PCDHGB2: variants seen among roughly 807,000 people sequenced by gnomAD.
PCDHGB2 encodes the protein protocadherin gamma subfamily B, 2.
A neutral mutation model predicts 59.3 loss-of-function variants in PCDHGB2; 55 were observed. The observed-to-expected ratio is 0.93, with a 90% CI of 0.75 to 1.16. The LOEUF is 1.16. Ranked by LOEUF, PCDHGB2 falls within the 50% of genes most tolerant of loss-of-function variation. The probability of loss-of-function intolerance (pLI) is 0.00; values close to 1 mark genes in which losing one functional copy is unlikely to be tolerated. For synonymous variants in PCDHGB2, 516 were observed against 512.0 expected (o/e 1.01, Z -0.11); for missense variants, 1,228 against 1,198.5 (o/e 1.02, Z -0.36).
At position 141,491,303 on chromosome 5, in the gene PCDHGB2, C is replaced by T; in HGVS notation, c.2422-3504C>T. On this transcript the variant is annotated intron_variant, in intron 1 of 3. Coordinates refer to ENST00000522605, the MANE Select transcript of PCDHGB2 (RefSeq NM_018923.3). This position sits in a 1 kb window ranked among gnomAD's most constrained non-coding sequence, Gnocchi z 6.9. ...TTCCTCATACACCCTCCTGAGCGTT[C>T]AGACCTTACCCTTTACCTCATTGTG... 6.2e-7 allele frequency: 1 copy of T among 1,614,132 alleles called. No homozygotes were observed. The highest frequency in any genetic ancestry group is 8.5e-7 in the Non-Finnish European group (1 of 1,179,962).
intron 1 of PCDHGB2, among the ~76,000 whole-genome samples, chr5:141,492,435 C>T (rs191116850): frequency 8.5e-5 from 13 of 152,348 alleles, no homozygotes; most frequent in Admixed American, 8.5e-4. Context: ...CTCAGGAGTA[C>T]TCGTAGCTGA....
intron 1 of PCDHGB2, among the ~76,000 whole-genome samples, chr5:141,447,652 C>T (rs901761789): frequency 6.6e-6 from 1 of 151,972 alleles, no homozygotes; most frequent in African/African-American, 2.4e-5. Context: ...TAGAATTTTC[C>T]CCCCCAGGAA....
chr5:141,495,878 T>C (rs2099764378), intron 2 of PCDHGB2, among the ~76,000 whole-genome samples: 1 of 152,184 alleles, frequency 6.6e-6, no homozygotes, highest in African/African-American at 2.4e-5. Context: ...TTCCTCTCTG[T>C]TCTTTGTCTC....
intron 3 of PCDHGB2, chr5:141,507,274 C>T (rs1000866082): frequency 1.3e-5 from 2 of 151,532 alleles, no homozygotes; most frequent in Non-Finnish European, 2.9e-5. Context: ...ACTATTTCAG[C>T]ATAAGTCAGT....
At chr5:141,464,923 A>G (rs544281066) in intron 1 of PCDHGB2, among the ~76,000 whole-genome samples, 3 of 151,406 alleles carry the variant, frequency 2.0e-5, no homozygotes, top group Non-Finnish European at 4.4e-5. Flanking sequence ...ATTTTTTTGT[A>G]GAGATGTGAG....
chr5:141,386,359 C>T (rs566341507), intron 1 of PCDHGB2, among the ~76,000 whole-genome samples: 1 of 152,132 alleles, frequency 6.6e-6, no homozygotes, highest in Non-Finnish European at 1.5e-5. Flanking sequence ...AATCTTGATT[C>T]CAGAGACCTT....
At chr5:141,385,603 T>G (rs968822799) in intron 1 of PCDHGB2, 19 of 1,190,040 alleles carry the variant, frequency 1.6e-5, no homozygotes, top group Non-Finnish European at 2.0e-5. Flanking sequence ...CTTTCTTAAC[T>G]CATATATTTT....
At chr5:141,481,656 A>G (rs1425280340) in intron 1 of PCDHGB2, among the ~76,000 whole-genome samples, 1 of 152,084 alleles carries the variant, frequency 6.6e-6, no homozygotes, top group Non-Finnish European at 1.5e-5. Context: ...CATCTCTACT[A>G]ATAATACAAA....
chr5:141,423,121 G>T lies in PCDHGB2; in HGVS notation c.2421+60565G>T, dbSNP rs368205535. The T allele has an allele frequency of 5.6e-6, 9 of 1,613,680 alleles. No homozygotes were observed. The African/African-American group carries it at 1.1e-4, about 19-fold the overall frequency. ...CACGGGCGAGGTGCGTACAGCGCGG[G>T]CACTGCTGGACAGAGACGCGCTCAA... On this transcript the variant is annotated intron_variant, in intron 1 of 3. Coordinates refer to ENST00000522605, the MANE Select transcript of PCDHGB2 (RefSeq NM_018923.3).
intron 1 of PCDHGB2, chr5:141,399,834 G>C (rs375768001): frequency 2.4e-5 from 39 of 1,613,004 alleles, no homozygotes; most frequent in Non-Finnish European, 2.9e-5. Flanking sequence ...ACGGCTCTGC[G>C]CTCTTCGATA....
chr5:141,375,943 C>T lies in PCDHGB2; in HGVS notation c.2421+13387C>T, dbSNP rs111303338. 3.8e-3 allele frequency: 6,199 copies of T among 1,613,582 alleles called. 67 individuals are homozygous for T. Among genetic ancestry groups the T allele is most frequent in the African/African-American group, 0.036 (2,673 of 75,052 alleles). ...GCGAGCCAGGACTTTTCTCAGTGGG[C>T]CTGCACACGGGCGAGGTGCGCACGG... On this transcript the variant is annotated intron_variant, in intron 1 of 3. Coordinates refer to ENST00000522605, the MANE Select transcript of PCDHGB2 (RefSeq NM_018923.3).
At chr5:141,374,495 T>C in intron 1 of PCDHGB2, 2 of 1,611,502 alleles carry the variant, frequency 1.2e-6, no homozygotes, top group Non-Finnish European at 8.5e-7. Context: ...AAAGGAAGAA[T>C]TGGAAGTGAA....
At chr5:141,427,519 G>A (rs1428732557) in intron 1 of PCDHGB2, 1 of 602,000 alleles carries the variant, frequency 1.7e-6, no homozygotes, top group Non-Finnish European at 3.1e-6. Context: ...GATTGGGAGC[G>A]GATCCCGGAG....
Position 141,419,293 on chromosome 5 carries a change from C to A in PCDHGB2, c.2421+56737C>A, listed in dbSNP as rs748856660. 1.5e-5 allele frequency: 25 copies of A among 1,614,026 alleles called. No individual in the cohort carries two copies. The African/African-American group carries it at 3.2e-4, about 21-fold the overall frequency. Reference sequence around the variant, plus strand: ...CCATAGCGCAAGTCAGTGCCTCTGACCCAGACTTCGGGCTCAACGGCCGTG... The same window carrying A: ...CCATAGCGCAAGTCAGTGCCTCTGAACCAGACTTCGGGCTCAACGGCCGTG... On this transcript the variant is annotated intron_variant, in intron 1 of 3. Transcript: ENST00000522605.
intron 1 of PCDHGB2, chr5:141,427,502 G>A (rs1276688816): frequency 1.7e-6 from 1 of 576,718 alleles, no homozygotes; most frequent in East Asian, 4.0e-5. Flanking sequence ...TAACAGATGG[G>A]ACCCTGGATT....
At chr5:141,385,552 T>C in intron 1 of PCDHGB2, 2 of 1,315,868 alleles carry the variant, frequency 1.5e-6, no homozygotes, top group Non-Finnish European at 9.7e-7. Flanking sequence ...ACTATCACAT[T>C]TTATAATTTC....
At position 141,360,389 on chromosome 5, in the gene PCDHGB2, T is replaced by C. The variant is rs1241447877; in HGVS notation, c.254T>C (p.Leu85Pro). The change falls in exon 1 of 4, where the codon CTT (leucine) becomes CCT (proline). Residue 85 changes from leucine to proline, a missense_variant. Coordinates refer to ENST00000522605, the MANE Select transcript of PCDHGB2 (RefSeq NM_018923.3). ...FTVNPESGDLLVSDRIDREQI... is the reference protein window; with the variant it reads ...FTVNPESGDLPVSDRIDREQI... ...GTAAACCCAGAAAGCGGAGACTTAC[T>C]TGTGAGTGACAGAATAGACCGAGAA... 6.2e-7 allele frequency: 1 copy of C among 1,613,908 alleles called. No homozygotes were observed. Among genetic ancestry groups the C allele is most frequent in the East Asian group, 2.2e-5 (1 of 44,866 alleles).
At chr5:141,502,169 G>A (rs1366413076) in intron 2 of PCDHGB2, among the ~76,000 whole-genome samples, 1 of 152,110 alleles carries the variant, frequency 6.6e-6, no homozygotes, top group African/African-American at 2.4e-5. Flanking sequence ...ATTCAGTTGA[G>A]GAATTTAACA....
chr5:141,390,124 C>T (rs369369148), intron 1 of PCDHGB2: 24 of 1,613,924 alleles, frequency 1.5e-5, no homozygotes, highest in Non-Finnish European at 1.9e-5. Context: ...GGGACTTTGC[C>T]TTATTCCTAC....
Sources: allele counts gnomAD v4.1 joint callset (sites outside exome capture counted in the v4.1 genomes callset), GRCh38; gene constraint gnomAD v4.1.1; non-coding constraint Gnocchi (gnomAD v3.1); transcripts MANE v1.5; gene names NCBI Gene and HGNC (gene_info 2026-07-23, HGNC 2026-07-21).